Variants in NONO observed in about 807,000 individuals in gnomAD.
NONO encodes the protein non-POU domain containing octamer binding.
Under a neutral mutation model 40.2 loss-of-function variants are expected in NONO, and 6 were observed. The observed-to-expected ratio is 0.15, with a 90% CI of 0.08 to 0.29. The LOEUF (loss-of-function observed/expected upper bound fraction) is 0.29. NONO is among the 10% of genes least tolerant of loss of function. The pLI is 1.00. For synonymous variants in NONO, 89 were observed against 123.3 expected, an observed-to-expected ratio of 0.72 and a Z score of 1.85; for missense variants, 133 against 397.8, an observed-to-expected ratio of 0.33 and a Z score of 5.66.
chrX:71,285,836 C>G (rs1363537073), intron 2 of NONO, among the ~76,000 whole-genome samples: 1 of 111,776 alleles, frequency 8.9e-6, no homozygotes, highest in South Asian at 3.7e-4. Flanking sequence ...AAATTAGAAA[C>G]GACCCAGGTG....
rs116513020 is a variant in NONO, at chrX:71,297,229, G to T, written c.944-148G>T. The stretch of plus-strand genomic sequence containing the variant: ...TACTGGATTCTGTGGAGAAGGAAAT[G>T]ATAGGTATAACTTCATTTTGGAATC... On this transcript the variant is annotated intron_variant, in intron 7 of 11. Transcript: ENST00000276079. 604 of 656,201 alleles carry T rather than the reference G, an allele frequency of 9.2e-4. No homozygotes were observed. In the African/African-American group the frequency reaches 0.012, roughly 13 times the overall value. 54.1% of individuals were successfully genotyped at this position (656,201 alleles called of 1,213,427 possible). A position where few individuals can be genotyped will look rare whatever the true frequency, so the allele number is the denominator to read the frequency against.
At chrX:71,291,563 C>G (rs1398606584) in intron 3 of NONO, among the ~76,000 whole-genome samples, 2 of 111,718 alleles carry the variant, frequency 1.8e-5, no homozygotes, top group African/African-American at 3.3e-5. Context: ...AGCTTGGCTT[C>G]TGGCCCGTCG....
At chrX:71,296,505 T>C in intron 5 of NONO, 60 bp from the exon 6 acceptor site, 1 of 798,761 alleles carries the variant, frequency 1.3e-6, no homozygotes. Context: ...GTGACATGTG[T>C]AGAGAAGAAG....
chrX:71,298,151 A>G lies in NONO; in HGVS notation c.1131+213A>G, dbSNP rs2031494129. The G allele has an allele frequency of 1.4e-5, 6 of 434,067 alleles. No individual in the cohort carries two copies. The South Asian group carries it at 1.9e-4, about 14-fold the overall frequency. The allele number at this position is 434,067 out of a possible 1,213,427, so 35.8% of individuals were successfully genotyped here. On this transcript the variant is annotated intron_variant, in intron 9 of 11. Coordinates refer to ENST00000276079, the MANE Select transcript of NONO (RefSeq NM_007363.5). The stretch of plus-strand genomic sequence containing the variant: ...AAACTGGGTCTGCTGTATTCTGTTT[A>G]GACTCAGTGACTATAGGAAGAGATA...
chrX:71,298,792 G>T lies in NONO; in HGVS notation c.1257G>T (p.Met419Ile), dbSNP rs2031511515. 8.3e-7 allele frequency: 1 copy of T among 1,206,255 alleles called. No homozygotes were observed. The highest frequency in any genetic ancestry group is 1.7e-5 in the African/African-American group (1 of 57,331). ...GTPAPPGPAT[M>I]MPDGTLGLTP... is the part of the protein sequence containing the mutation. The stretch of plus-strand genomic sequence containing the variant: ...CAGCTCCTCCAGGACCTGCCACTAT[G>T]ATGCCGGATGGAACTTTGGGATTGG... The change falls in exon 11 of 12, where the codon ATG (methionine) becomes ATT (isoleucine). Residue 419 changes from methionine (M) to isoleucine (I), a missense_variant. By Grantham distance (10) the Met-to-Ile change is conservative. This residue lies in a region of NONO where 73 missense variants were observed against 162.2 expected (regional missense o/e 0.45). Coordinates refer to ENST00000276079, the MANE Select transcript of NONO (RefSeq NM_007363.5).
At chrX:71,288,380 T>C (rs1311683466) in intron 2 of NONO, among the ~76,000 whole-genome samples, 1 of 110,698 alleles carries the variant, frequency 9.0e-6, no homozygotes, top group Admixed American at 9.6e-5. Context: ...GGATTACAGA[T>C]GTGAGCCACT....
chrX:71,287,885 T>TAA (rs1449916087), intron 2 of NONO, among the ~76,000 whole-genome samples: 10 of 96,836 alleles, frequency 1.0e-4, no homozygotes, highest in African/African-American at 3.5e-4. Context: ...TTTTTTTTTT[T>TAA]AAATAAAGAC....
At chrX:71,293,754 CTG>C (rs1207413708) in intron 4 of NONO, among the ~76,000 whole-genome samples, 2 of 109,946 alleles carry the variant, frequency 1.8e-5, no homozygotes, top group African/African-American at 3.3e-5. Context: ...GCCTCAGCCT[CTG>C]GAGTAGCTGG....
chrX:71,283,924 C>T (rs1480595326), intron 1 of NONO: 2 of 112,207 alleles, frequency 1.8e-5, no homozygotes, highest in Non-Finnish European at 3.8e-5. Flanking sequence ...TCGCTTCGGG[C>T]TTTCCCCATT....
intron 5 of NONO, among the ~76,000 whole-genome samples, chrX:71,296,314 A>G (rs1301044241): frequency 9.1e-6 from 1 of 109,677 alleles, no homozygotes; most frequent in Non-Finnish European, 1.9e-5. Flanking sequence ...GGGTTTCACC[A>G]TGTTGGCCAG....
rs2031304901 is a variant in NONO at position 71,290,696 on chromosome X, A to G, written c.59A>G (p.His20Arg). Residue 20 changes from histidine to arginine, a missense_variant, in exon 3 of 12, where the codon CAT becomes CGT. Around this residue, in one of 3 missense-constraint regions of NONO, gnomAD observed 28 missense variants for 29.5 expected, o/e 0.95. Coordinates refer to ENST00000276079, the MANE Select transcript of NONO (RefSeq NM_007363.5). The stretch of plus-strand genomic sequence containing the variant: ...CAAAACCATACTCCAAGAAAGCATC[A>G]TCAACATCACCACCAGCAGCAGCAC... ...EKQNHTPRKH[H>R]QHHHQQQHHQ... 9 of 1,208,697 alleles carry G rather than the reference A, an allele frequency of 7.4e-6. No individual in the cohort carries two copies. The highest frequency in any genetic ancestry group is 1.0e-5 in the Non-Finnish European group (9 of 893,674).
chrX:71,292,305 C>T (rs2031344472), intron 4 of NONO: 2 of 117,318 alleles, frequency 1.7e-5, no homozygotes, highest in Non-Finnish European at 3.5e-5. Context: ...TCAAGTGATT[C>T]TCCTGCCTCA....
At chrX:71,292,238 C>G (rs1393923405) in intron 4 of NONO, 1 of 172,140 alleles carries the variant, frequency 5.8e-6, no homozygotes, top group Non-Finnish European at 1.1e-5. Context: ...ACTCTTGTGG[C>G]CCAGGCTGGC....
intron 5 of NONO, among the ~76,000 whole-genome samples, chrX:71,294,878 C>A (rs1235097539): frequency 9.1e-6 from 1 of 110,321 alleles, no homozygotes; most frequent in African/African-American, 3.3e-5. Context: ...GAGATCACGC[C>A]ACTGCACTCC....
chrX:71,290,937 G>A, intron 3 of NONO, 146 bp downstream of exon 3: 2 of 668,975 alleles, frequency 3.0e-6, no homozygotes, highest in South Asian at 4.2e-5. Flanking sequence ...TAATACTTAC[G>A]ATGGAAAAGG....
At chrX:71,290,306 C>T (rs1395907024) in intron 2 of NONO, among the ~76,000 whole-genome samples, 2 of 112,612 alleles carry the variant, frequency 1.8e-5, no homozygotes, top group Admixed American at 1.9e-4. Flanking sequence ...ACCTCCGCCT[C>T]CCAAAGTGTT....
At chrX:71,287,469 C>T (rs2031216463) in intron 2 of NONO, among the ~76,000 whole-genome samples, 1 of 110,831 alleles carries the variant, frequency 9.0e-6, no homozygotes, top group Admixed American at 9.6e-5. Context: ...TCTCGTCCTC[C>T]TTGGTTCAAG....
intron 5 of NONO, among the ~76,000 whole-genome samples, chrX:71,295,958 AGTTG>A (rs1688665364): frequency 9.0e-6 from 1 of 110,786 alleles, no homozygotes; most frequent in African/African-American, 3.3e-5. Context: ...AGTTCTGAAA[AGTTG>A]ATTTGTGCCT....
At chrX:71,285,570 A>C (rs1260811231) in intron 2 of NONO, among the ~76,000 whole-genome samples, 1 of 112,037 alleles carries the variant, frequency 8.9e-6, no homozygotes, top group African/African-American at 3.2e-5. Flanking sequence ...AAAGCCAAAA[A>C]CAACCACCTA....
Sources: allele counts gnomAD v4.1 joint callset (sites outside exome capture counted in the v4.1 genomes callset), GRCh38; gene constraint gnomAD v4.1.1; regional missense constraint gnomAD v4.1.1; transcripts MANE v1.5; gene names NCBI Gene and HGNC (gene_info 2026-07-23, HGNC 2026-07-21).